Variants in RAB31 observed in about 807,000 individuals in gnomAD.
RAB31 encodes RAB31, member RAS oncogene family, also known as ras-related protein Rab-31.
A neutral mutation model predicts 25.6 loss-of-function variants in RAB31; 21 were observed. The observed-to-expected ratio is 0.82, with a 90% CI of 0.58 to 1.18. RAB31 has a LOEUF of 1.18. Among genes scored for constraint, RAB31 ranks in the 50% most tolerant of loss-of-function variants. RAB31 has a pLI of 0.00. For synonymous variants in RAB31, 87 were observed against 84.0 expected (o/e 1.04, Z -0.20); for missense variants, 196 against 250.1 (o/e 0.78, Z 1.46).
In RAB31 at chr18:9,793,661, CA is replaced by C. The variant is rs60915933; in HGVS notation, c.201+1439del. 0.03 allele frequency among the ~76,000 whole-genome samples: 3,955 copies of C among 130,664 alleles called. 326 individuals carry two copies. The East Asian group carries it at 0.35, about 12-fold the overall frequency. The allele number at this position is 130,664 out of a possible 152,430, so 85.7% of individuals were successfully genotyped here. A position where few individuals can be genotyped will look rare whatever the true frequency, so the allele number is the denominator to read the frequency against. The stretch of plus-strand genomic sequence containing the variant: ...TGGGCGACAGAGTGAGACTCCAGCT[CA>C]AAAAAAAAAAAAGTTGAAACGGATA... On this transcript the variant is annotated intron_variant, in intron 3 of 6. Coordinates refer to ENST00000578921, the MANE Select transcript of RAB31 (RefSeq NM_006868.4).
At chr18:9,756,669 T>A (rs1327908986) in intron 1 of RAB31, among the ~76,000 whole-genome samples, 1 of 152,090 alleles carries the variant, frequency 6.6e-6, no homozygotes, top group Non-Finnish European at 1.5e-5. Context: ...CATTGTGGAG[T>A]CTTAGTGTTG....
chr18:9,737,794 G>C (rs947449013), intron 1 of RAB31, among the ~76,000 whole-genome samples: 1 of 152,210 alleles, frequency 6.6e-6, no homozygotes, highest in Non-Finnish European at 1.5e-5. Flanking sequence ...GCATGGAGGG[G>C]CTGAAATAGT....
intron 3 of RAB31, among the ~76,000 whole-genome samples, chr18:9,807,791 T>C (rs2068549704): frequency 6.6e-6 from 1 of 151,826 alleles, no homozygotes; most frequent in African/African-American, 2.4e-5. Flanking sequence ...CTGGGCAACA[T>C]AGCGTGAACT....
chr18:9,842,002 G>A (rs906556833), intron 5 of RAB31, among the ~76,000 whole-genome samples: 1 of 152,024 alleles, frequency 6.6e-6, no homozygotes, highest in Non-Finnish European at 1.5e-5. Context: ...GCTTAGGCCC[G>A]AAACAAAGGC....
intron 3 of RAB31, among the ~76,000 whole-genome samples, chr18:9,807,634 A>G (rs2068548694): frequency 6.6e-6 from 1 of 152,126 alleles, no homozygotes; most frequent in Non-Finnish European, 1.5e-5. Flanking sequence ...TTTATACATT[A>G]TTCTAGGGAT....
At chr18:9,803,522 T>C (rs962499113) in intron 3 of RAB31, among the ~76,000 whole-genome samples, 9 of 152,180 alleles carry the variant, frequency 5.9e-5, no homozygotes, top group African/African-American at 1.9e-4. Context: ...CCTTCCTCCA[T>C]GCCCCTAGTA....
chr18:9,833,773 T>C (rs1013062567), intron 5 of RAB31, among the ~76,000 whole-genome samples: 2 of 152,196 alleles, frequency 1.3e-5, no homozygotes, highest in Non-Finnish European at 2.9e-5. Context: ...CCATATCTGA[T>C]CTATGAGCTG....
At chr18:9,792,827 T>A (rs551908105) in intron 3 of RAB31, among the ~76,000 whole-genome samples, 15 of 151,922 alleles carry the variant, frequency 9.9e-5, no homozygotes, top group Non-Finnish European at 1.8e-4. Context: ...TGAACCATGT[T>A]GGTTCAGGAA....
intron 5 of RAB31, among the ~76,000 whole-genome samples, chr18:9,835,027 C>T (rs545122736): frequency 3.3e-5 from 5 of 152,164 alleles, no homozygotes; most frequent in African/African-American, 4.8e-5. Context: ...CTACTGTGTG[C>T]ATGTGTGTAG....
At chr18:9,760,165 TTTGTTTTTG>T (rs1350654951) in intron 1 of RAB31, among the ~76,000 whole-genome samples, 1 of 51,646 alleles carries the variant, frequency 1.9e-5, no homozygotes, top group Non-Finnish European at 4.7e-5. Flanking sequence ...TTCTTTTCTT[TTTGTTTTTG>T]TTTTTGTTTT....
chr18:9,726,642 A>G (rs940538072), intron 1 of RAB31, among the ~76,000 whole-genome samples: 6 of 152,180 alleles, frequency 3.9e-5, no homozygotes, highest in Admixed American at 6.5e-5. Flanking sequence ...TTCTCTTTAT[A>G]TACTTTGCTA....
At position 9,775,274 on chromosome 18, in the gene RAB31, C is replaced by T. The variant is rs1266488615; in HGVS notation, c.40-4C>T. 1.9e-6 allele frequency: 3 copies of T among 1,613,812 alleles called. No individual in the cohort carries two copies. Among genetic ancestry groups the T allele is most frequent in the Non-Finnish European group, 8.5e-7 (1 of 1,179,790 alleles). ...TTCACGGTTGTATCCTCATTCTTTC[C>T]TAGGACACTGGGGTTGGGAAATCAA... On this transcript the variant is annotated splice_region_variant and splice_polypyrimidine_tract_variant and intron_variant, in intron 1 of 6. Transcript: ENST00000578921.
intron 5 of RAB31, among the ~76,000 whole-genome samples, chr18:9,834,503 A>G (rs940767804): frequency 5.9e-5 from 9 of 152,144 alleles, no homozygotes; most frequent in Non-Finnish European, 1.2e-4. Context: ...GGATCTCCTC[A>G]CTAATTCAGC....
At chr18:9,841,025 C>T (rs79847309) in intron 5 of RAB31, among the ~76,000 whole-genome samples, 6,728 of 152,206 alleles carry the variant, frequency 0.044, 185 homozygotes, top group East Asian at 0.09. Flanking sequence ...ACTCACCAGG[C>T]TCAAGCGATC....
intron 5 of RAB31, among the ~76,000 whole-genome samples, chr18:9,837,913 A>G (rs1207635986): frequency 1.3e-5 from 2 of 152,156 alleles, no homozygotes; most frequent in African/African-American, 2.4e-5. Flanking sequence ...GCATAAAATG[A>G]AGGGGTTGAG....
At chr18:9,757,147 C>T (rs1357624155) in intron 1 of RAB31, among the ~76,000 whole-genome samples, 1 of 152,198 alleles carries the variant, frequency 6.6e-6, no homozygotes, top group Non-Finnish European at 1.5e-5. Context: ...ACAGTAATCC[C>T]ACTTAATACC....
At chr18:9,793,694 T>G (rs1290116043) in intron 3 of RAB31, among the ~76,000 whole-genome samples, 1 of 150,928 alleles carries the variant, frequency 6.6e-6, no homozygotes, top group African/African-American at 2.5e-5. Flanking sequence ...GATAGCCAGA[T>G]AGCCAAGCAG....
intron 6 of RAB31, among the ~76,000 whole-genome samples, chr18:9,847,255 T>G (rs538167724): frequency 6.6e-6 from 1 of 152,358 alleles, no homozygotes; most frequent in South Asian, 2.1e-4. Context: ...ATGAAACATT[T>G]TGTTTTTACA....
intron 5 of RAB31, 66 bp from the exon 6 acceptor site, chr18:9,845,516 C>T: frequency 7.2e-7 from 1 of 1,393,934 alleles, no homozygotes; most frequent in Non-Finnish European, 9.5e-7. Context: ...GCTGTCTGGT[C>T]TTTTGGGTGA....
Sources: allele counts gnomAD v4.1 joint callset (sites outside exome capture counted in the v4.1 genomes callset), GRCh38; gene constraint gnomAD v4.1.1; transcripts MANE v1.5; gene names NCBI Gene and HGNC (gene_info 2026-07-23, HGNC 2026-07-21).